The following CENPU variants were observed in gnomAD, a reference collection of about 807,000 sequenced individuals.
The protein encoded by CENPU is KSHV latent nuclear antigen interacting protein 1.
A neutral mutation model predicts 56.7 loss-of-function variants in CENPU; 46 were observed. The ratio of observed to expected loss-of-function variants is 0.81; its 90% CI spans 0.64 to 1.04. CENPU has a LOEUF of 1.04. Among genes scored for constraint, CENPU ranks in the 50% least tolerant of loss-of-function variants. The pLI is 0.00. For missense variants in CENPU, 510 were observed against 490.1 expected (o/e 1.04, Z -0.38); for synonymous variants, 166 against 163.0 (o/e 1.02, Z -0.14).
At chr4:184,719,500 C>T (rs1027190324) in intron 4 of CENPU, among the ~76,000 whole-genome samples, 2 of 152,214 alleles carry the variant, frequency 1.3e-5, no homozygotes, top group African/African-American at 4.8e-5. Context: ...GCAGCAGGAG[C>T]TTGAGCTCTG....
At chr4:184,713,891 G>C (rs1339458551) in intron 6 of CENPU, 1 of 152,286 alleles carries the variant, frequency 6.6e-6, no homozygotes, top group African/African-American at 2.4e-5. Flanking sequence ...GCTCAGGAGA[G>C]CACAGGTGCC....
chr4:184,695,204 CAATT>C lies in CENPU; in HGVS notation c.*80_*83del, dbSNP rs1162771695. 6.5e-6 allele frequency: 6 copies of C among 923,270 alleles called. No individual in the cohort carries two copies. The East Asian group carries it at 7.3e-5, about 11-fold the overall frequency. 57.2% of individuals were successfully genotyped at this position (923,270 alleles called of 1,614,324 possible). A position where few individuals can be genotyped will look rare whatever the true frequency, so the allele number is the denominator to read the frequency against. On this transcript the variant is annotated 3_prime_UTR_variant, in exon 13 of 13. Coordinates refer to ENST00000281453, the MANE Select transcript of CENPU (RefSeq NM_024629.4). ...AGTAGGCCATAACTTCTTTGCAAAA[CAATT>C]GATTTATAAAGGTACAGTTTCAGAA...
intron 4 of CENPU, among the ~76,000 whole-genome samples, chr4:184,718,647 C>G (rs1406557312): frequency 1.3e-5 from 2 of 152,190 alleles, no homozygotes; most frequent in Non-Finnish European, 2.9e-5. Flanking sequence ...ACCATGGCAG[C>G]CACAGGGAGG....
chr4:184,732,844 A>C (rs978572722), intron 1 of CENPU, among the ~76,000 whole-genome samples: 1 of 152,190 alleles, frequency 6.6e-6, no homozygotes, highest in Non-Finnish European at 1.5e-5. Flanking sequence ...TTTACTAAAA[A>C]TACAAAAATT....
chr4:184,716,948 T>C (rs1183480967), intron 5 of CENPU, among the ~76,000 whole-genome samples, 188 bp downstream of exon 5: 1 of 152,206 alleles, frequency 6.6e-6, no homozygotes, highest in African/African-American at 2.4e-5. Context: ...GTTACAAAAA[T>C]ATTTTGGTTT....
chr4:184,699,827 ATTTTTGTATTTTTGAGATGGGG>A (rs1200713132), intron 11 of CENPU, among the ~76,000 whole-genome samples: 1 of 151,998 alleles, frequency 6.6e-6, no homozygotes, highest in African/African-American at 2.4e-5. Context: ...CACCCGGCTA[ATTTTTGTATTTTTGAGATGGGG>A]TTTCACTATG....
At chr4:184,730,083 G>C (rs949716980) in intron 2 of CENPU, among the ~76,000 whole-genome samples, 1 of 152,194 alleles carries the variant, frequency 6.6e-6, no homozygotes, top group Admixed American at 6.5e-5. Flanking sequence ...GCCTCCACCA[G>C]GGACTGCCTT....
chr4:184,704,734 T>TA (rs1205413557), intron 8 of CENPU, among the ~76,000 whole-genome samples: 1 of 152,056 alleles, frequency 6.6e-6, no homozygotes, highest in African/African-American at 2.4e-5. Context: ...CCAGAACAGT[T>TA]AGATTTATAG....
At position 184,724,269 on chromosome 4, in the gene CENPU, AAAAC is replaced by A. The variant is rs545420834; in HGVS notation, c.320+684_320+687del. On this transcript the variant is annotated intron_variant, in intron 4 of 12. Coordinates refer to ENST00000281453, the MANE Select transcript of CENPU (RefSeq NM_024629.4). ...CAACAGAGCAAGACTCCATCTCAAA[AAAAC>A]AAACAAACAAACAACCAAACAAAAA... Among the ~76,000 whole-genome samples the A allele has an allele frequency of 2.0e-4, 31 of 152,294 alleles. No homozygotes were observed. The South Asian group carries it at 2.1e-3, about 10-fold the overall frequency.
chr4:184,708,139 G>A (rs914357746), intron 8 of CENPU, among the ~76,000 whole-genome samples: 1 of 148,972 alleles, frequency 6.7e-6, no homozygotes, highest in African/African-American at 2.5e-5. Context: ...CAGGTGAATC[G>A]CTTGAACCTG....
At position 184,697,468 on chromosome 4, in the gene CENPU, G is replaced by A. The variant is rs568052496; in HGVS notation, c.1143+179C>T. Among the ~76,000 whole-genome samples, 249 of 152,156 alleles carry A rather than the reference G, an allele frequency of 1.6e-3. 2 individuals are homozygous for A. Among genetic ancestry groups the A allele is most frequent in the Middle Eastern group, 6.8e-3 (2 of 294 alleles). ...ACATTACTCCTCCAGCCTTCATTAA[G>A]TAGCTAAGAAAAGTGCTGATATAAT... On this transcript the variant is annotated intron_variant, in intron 12 of 12. Coordinates refer to ENST00000281453, the MANE Select transcript of CENPU (RefSeq NM_024629.4).
rs115658174 is a variant in CENPU at position 184,704,136 on chromosome 4, G to A, written c.798-1695C>T. On this transcript the variant is annotated intron_variant, in intron 8 of 12. Coordinates refer to ENST00000281453, the MANE Select transcript of CENPU (RefSeq NM_024629.4). ...CACTCTGTCACCCCCGCTGGACTGA[G>A]TAGTGTGATCATGGCTCACTGCAGC... Among the ~76,000 whole-genome samples the A allele has an allele frequency of 2.9e-3, 446 of 151,928 alleles. 2 individuals are homozygous for A. Among genetic ancestry groups the A allele is most frequent in the African/African-American group, 9.9e-3 (412 of 41,426 alleles).
At chr4:184,699,593 T>C (rs1760460892) in intron 11 of CENPU, 2 of 1,289,050 alleles carry the variant, frequency 1.6e-6, no homozygotes. Context: ...GGCCAGCACC[T>C]GTCCAGAGAC....
chr4:184,717,848 A>T (rs10428373), intron 4 of CENPU, among the ~76,000 whole-genome samples: 27,110 of 152,064 alleles, frequency 0.18, 2,722 homozygotes, highest in African/African-American at 0.26. Context: ...TGGCGCTGAC[A>T]GGTAAAAAAA....
intron 3 of CENPU, among the ~76,000 whole-genome samples, chr4:184,726,976 G>A (rs1434625942): frequency 7.3e-4 from 7 of 9,604 alleles, no homozygotes; most frequent in South Asian, 3.8e-3. Context: ...CTGGGGGGTG[G>A]GGGGGGGGGG....
intron 5 of CENPU, 54 bp from the exon 6 acceptor site, chr4:184,716,687 T>C: frequency 2.3e-6 from 3 of 1,330,796 alleles, no homozygotes. Flanking sequence ...ATGCTTATAA[T>C]TCTTACTGTA....
rs548475059 is a variant in CENPU at position 184,729,256 on chromosome 4, A to C, written c.97-221T>G. The stretch of plus-strand genomic sequence containing the variant: ...CAAATGTGTACAATTACAATGTTTC[A>C]GTTAAAATAAAAAGAAAGAAGCAAG... On this transcript the variant is annotated intron_variant, in intron 2 of 12. Coordinates refer to ENST00000281453, the MANE Select transcript of CENPU (RefSeq NM_024629.4). Among the ~76,000 whole-genome samples the C allele has an allele frequency of 7.9e-5, 12 of 152,372 alleles. 1 individual carries two copies. In the South Asian group the frequency reaches 2.5e-3, roughly 32 times the overall value.
At chr4:184,699,559 T>G in intron 11 of CENPU, 3 of 1,288,830 alleles carry the variant, frequency 2.3e-6, no homozygotes, top group Non-Finnish European at 3.0e-6. Flanking sequence ...TATTTTGGCC[T>G]GGGTCAGTGA....
rs1275734206 is a variant in CENPU, at chr4:184,725,037, T to C, written c.240A>G (p.Ile80Met). Reference sequence around the variant, plus strand: ...TGGAGAATTCTTCTTCATCAGCATATATAGCTGTGCTATGTAAAGGAGGAT... The same window carrying C: ...TGGAGAATTCTTCTTCATCAGCATACATAGCTGTGCTATGTAAAGGAGGAT... ...TFDPPLHSTA[I>M]YADEEEFSKH... Residue 80 changes from isoleucine to methionine, a missense_variant, in exon 4 of 13, where the codon ATA becomes ATG. Physicochemically the swap from Ile to Met is conservative, Grantham distance 10 (BLOSUM62 1). Transcript: ENST00000281453. 4.3e-6 allele frequency: 7 copies of C among 1,610,738 alleles called. No individual in the cohort carries two copies. Among genetic ancestry groups the C allele is most frequent in the East Asian group, 2.2e-5 (1 of 44,796 alleles).
Sources: gnomAD v4.1 joint callset for allele counts (sites outside exome capture counted in the v4.1 genomes callset) on GRCh38, gnomAD v4.1.1 for gene constraint, MANE v1.5 for transcripts, NCBI Gene and HGNC (gene_info 2026-07-23, HGNC 2026-07-21) for gene names.